Variants in TSHZ2 observed in about 807,000 individuals in gnomAD.
The protein encoded by TSHZ2 is teashirt homolog 2.
TSHZ2 carries 21 observed loss-of-function variants against 74.4 expected under a neutral mutation model. The ratio of observed to expected loss-of-function variants is 0.28; its 90% CI spans 0.20 to 0.41. The LOEUF is 0.41. Ranked by LOEUF, TSHZ2 falls within the 10% of genes least tolerant of loss-of-function variation. TSHZ2 has a pLI of 1.00. For missense variants in TSHZ2, 1,244 were observed against 1,293.5 expected (o/e 0.96, Z 0.59); for synonymous variants, 540 against 515.3 (o/e 1.05, Z -0.65).
At chr20:53,031,890 T>A (rs1983651839) in intron 1 of TSHZ2, among the ~76,000 whole-genome samples, 1 of 148,540 alleles carries the variant, frequency 6.7e-6, no homozygotes, top group Non-Finnish European at 1.5e-5. Flanking sequence ...ATGTGCAGCA[T>A]GATTAGGGAA....
At chr20:53,395,398 A>G (rs1982410510) in intron 2 of TSHZ2, among the ~76,000 whole-genome samples, 1 of 152,228 alleles carries the variant, frequency 6.6e-6, no homozygotes. Flanking sequence ...AGCCTGCATC[A>G]GTCTCTAAAC....
chr20:53,297,733 T>G (rs757258811), intron 2 of TSHZ2, among the ~76,000 whole-genome samples: 8 of 152,222 alleles, frequency 5.3e-5, no homozygotes, highest in Non-Finnish European at 1.0e-4. Context: ...AGCCCCACTT[T>G]CCTTGTGTAT....
intron 1 of TSHZ2, among the ~76,000 whole-genome samples, chr20:53,114,108 A>G (rs868117659): frequency 2.5e-4 from 37 of 148,740 alleles, no homozygotes; most frequent in Non-Finnish European, 4.7e-4. Flanking sequence ...GAAAAAAAAA[A>G]AAAGAAAGAA....
chr20:53,138,171 A>G (rs1871916499), intron 1 of TSHZ2, among the ~76,000 whole-genome samples: 1 of 152,152 alleles, frequency 6.6e-6, no homozygotes, highest in African/African-American at 2.4e-5. Flanking sequence ...TCATGAGGTC[A>G]GGAGATCGCG....
At chr20:53,350,548 C>A (rs141636121) in intron 2 of TSHZ2, among the ~76,000 whole-genome samples, 1 of 152,308 alleles carries the variant, frequency 6.6e-6, no homozygotes, top group African/African-American at 2.4e-5. Flanking sequence ...TTCATTGTGA[C>A]CTTGTATCCT....
At chr20:53,408,597 T>G (rs1179654667) in intron 2 of TSHZ2, among the ~76,000 whole-genome samples, 2 of 151,108 alleles carry the variant, frequency 1.3e-5, no homozygotes, top group East Asian at 3.9e-4. Context: ...TCCAAATGAG[T>G]TGAGGCCATT....
intron 1 of TSHZ2, among the ~76,000 whole-genome samples, chr20:53,180,320 A>G (rs992883237): frequency 6.6e-6 from 1 of 152,204 alleles, no homozygotes; most frequent in African/African-American, 2.4e-5. Context: ...CTTTGTTCCA[A>G]TTCCCAGGAT....
At chr20:53,435,928 G>C (rs1299412110) in intron 2 of TSHZ2, among the ~76,000 whole-genome samples, 2 of 152,206 alleles carry the variant, frequency 1.3e-5, no homozygotes, top group Non-Finnish European at 2.9e-5. Flanking sequence ...GTTTCCTCGT[G>C]TCTAAGATGG....
At chr20:53,107,129 A>G (rs1986400380) in intron 1 of TSHZ2, among the ~76,000 whole-genome samples, 1 of 152,158 alleles carries the variant, frequency 6.6e-6, no homozygotes, top group Non-Finnish European at 1.5e-5. Context: ...GGACATGCAG[A>G]TGACTTGACC....
chr20:53,047,143 CT>C (rs1984257810), intron 1 of TSHZ2, among the ~76,000 whole-genome samples: 1 of 152,188 alleles, frequency 6.6e-6, no homozygotes, highest in South Asian at 2.1e-4. Context: ...TTGAAACCTC[CT>C]GATTTTTAAA....
chr20:53,023,326 G>C (rs1408231067), intron 1 of TSHZ2, among the ~76,000 whole-genome samples: 1 of 152,090 alleles, frequency 6.6e-6, no homozygotes, highest in Non-Finnish European at 1.5e-5. Flanking sequence ...TAACTCAATG[G>C]GAAATGACAG....
chr20:53,350,091 T>C (rs571058224), intron 2 of TSHZ2, among the ~76,000 whole-genome samples: 60 of 152,208 alleles, frequency 3.9e-4, no homozygotes, highest in Non-Finnish European at 7.2e-4. Flanking sequence ...TGTGATTACA[T>C]TGGGTCTGCC....
chr20:53,461,859 C>T (rs1031691893), intron 2 of TSHZ2, among the ~76,000 whole-genome samples: 1 of 152,018 alleles, frequency 6.6e-6, no homozygotes, highest in African/African-American at 2.4e-5. Flanking sequence ...GTGACAATTT[C>T]CAACAAACTC....
chr20:53,132,655 C>G (rs1987136267), intron 1 of TSHZ2, among the ~76,000 whole-genome samples: 1 of 152,122 alleles, frequency 6.6e-6, no homozygotes, highest in Non-Finnish European at 1.5e-5. Context: ...TCTTTCTCTC[C>G]ATTCTCCTTC....
At chr20:53,177,641 T>G (rs191551036) in intron 1 of TSHZ2, among the ~76,000 whole-genome samples, 1 of 152,354 alleles carries the variant, frequency 6.6e-6, no homozygotes, top group African/African-American at 2.4e-5. Flanking sequence ...TTATATCCTA[T>G]GATTACATTA....
At chr20:53,330,225 A>C (rs78183750) in intron 2 of TSHZ2, among the ~76,000 whole-genome samples, 5,084 of 152,138 alleles carry the variant, frequency 0.033, 302 homozygotes, top group African/African-American at 0.12. Flanking sequence ...TTATAGATTC[A>C]TAAGAAGTGC....
chr20:53,469,634 G>GAGGGAGGAAGGAAGGAAGGA (rs1306380564), intron 2 of TSHZ2, among the ~76,000 whole-genome samples: 24 of 35,496 alleles, frequency 6.8e-4, no homozygotes, highest in East Asian at 2.2e-3. Context: ...GGAAGGGAGG[G>GAGGGAGGAAGGAAGGAAGGA]AGGAAGGAAG....
intron 2 of TSHZ2, among the ~76,000 whole-genome samples, chr20:53,281,219 T>C (rs67287914): frequency 0.15 from 22,598 of 152,146 alleles, 1,915 homozygotes; most frequent in African/African-American, 0.21. Flanking sequence ...GTCAGAAAAG[T>C]CTTTTCTGAG....
At chr20:53,190,122 TATATATATATA>T (rs1208851911) in intron 1 of TSHZ2, among the ~76,000 whole-genome samples, 6 of 94,672 alleles carry the variant, frequency 6.3e-5, no homozygotes, top group African/African-American at 2.4e-4. Flanking sequence ...TATATATATA[TATATATATATA>T]TATATTTTCT....
Sources: allele counts gnomAD v4.1 joint callset (sites outside exome capture counted in the v4.1 genomes callset), GRCh38; gene constraint gnomAD v4.1.1; transcripts MANE v1.5; gene names NCBI Gene and HGNC (gene_info 2026-07-23, HGNC 2026-07-21).